SLC5A4: variants seen among roughly 807,000 people sequenced by gnomAD.
SLC5A4 encodes the protein probable glucose sensor protein SLC5A4.
A neutral mutation model predicts 70.3 loss-of-function variants in SLC5A4; 55 were observed. That is an observed-to-expected ratio of 0.78 (90% confidence interval 0.63 to 0.98). The LOEUF (loss-of-function observed/expected upper bound fraction) is 0.98, where lower values mean the gene tolerates loss of function less well. SLC5A4 is among the 50% of genes least tolerant of loss of function. The pLI is 0.00. For missense variants in SLC5A4, 735 were observed against 839.2 expected, an observed-to-expected ratio of 0.88 and a Z score of 1.53; for synonymous variants, 268 against 305.7, an observed-to-expected ratio of 0.88 and a Z score of 1.29.
the SLC5A4 span, among the ~76,000 whole-genome samples, chr22:32,316,108 GAAAAA>G: frequency 3.8e-5 from 5 of 132,018 alleles, no homozygotes; most frequent in Non-Finnish European, 6.3e-5. Context: ...GACTCTGTCT[GAAAAA>G]AAAAAAAAAA....
chr22:32,236,651 C>T (rs1199975213), intron 7 of SLC5A4, among the ~76,000 whole-genome samples: 3 of 151,934 alleles, frequency 2.0e-5, no homozygotes, highest in African/African-American at 7.3e-5. Flanking sequence ...CTGATTTTGT[C>T]TGTCCTTAAC....
chr22:32,327,893 C>T, the SLC5A4 span, among the ~76,000 whole-genome samples: 5 of 152,174 alleles, frequency 3.3e-5, no homozygotes, highest in African/African-American at 7.2e-5. Flanking sequence ...TGGGGCACCT[C>T]GGGCATGGCA....
the SLC5A4 span, among the ~76,000 whole-genome samples, chr22:32,292,240 A>AG: frequency 9.9e-6 from 1 of 101,250 alleles, no homozygotes; most frequent in African/African-American, 4.0e-5. Context: ...TATTATATAT[A>AG]TAATATATAC....
the SLC5A4 span, among the ~76,000 whole-genome samples, chr22:32,354,569 G>A: frequency 1.3e-5 from 2 of 151,882 alleles, no homozygotes; most frequent in African/African-American, 2.4e-5. Flanking sequence ...CGCCGGCCAC[G>A]GCCACTGCAT....
intron 12 of SLC5A4, among the ~76,000 whole-genome samples, chr22:32,224,827 TTA>T (rs1925298257): frequency 6.6e-6 from 1 of 152,210 alleles, no homozygotes; most frequent in Admixed American, 6.5e-5. Context: ...GAAGTATCAA[TTA>T]TGTTACACAA....
At chr22:32,298,230 ATCTG>A in the SLC5A4 span, among the ~76,000 whole-genome samples, 1 of 137,444 alleles carries the variant, frequency 7.3e-6, no homozygotes, top group Non-Finnish European at 1.6e-5. Context: ...TGTCTCGTTG[ATCTG>A]TCTAATGTTG....
the SLC5A4 span, among the ~76,000 whole-genome samples, chr22:32,305,258 C>CAGTA: frequency 6.6e-6 from 1 of 151,860 alleles, no homozygotes; most frequent in Non-Finnish European, 1.5e-5. Context: ...ATTTGGAGCA[C>CAGTA]AGTAAGCAAG....
At chr22:32,272,476 G>C in the SLC5A4 span, 2 of 751,048 alleles carry the variant, frequency 2.7e-6, no homozygotes, top group Non-Finnish European at 4.8e-6. Context: ...CCTGGCAGCC[G>C]ACCTCATGAA....
the SLC5A4 span, among the ~76,000 whole-genome samples, chr22:32,303,837 C>T: frequency 3.3e-5 from 5 of 152,144 alleles, no homozygotes; most frequent in East Asian, 1.9e-4. Context: ...AATGCTGAGT[C>T]GGATGGTAAA....
chr22:32,306,180 T>C, the SLC5A4 span, among the ~76,000 whole-genome samples: 5 of 152,176 alleles, frequency 3.3e-5, no homozygotes, highest in African/African-American at 9.7e-5. Flanking sequence ...AATTACTGTA[T>C]ATAGGCCGGG....
chr22:32,287,783 A>G, the SLC5A4 span, among the ~76,000 whole-genome samples: 2 of 148,670 alleles, frequency 1.3e-5, no homozygotes, highest in Non-Finnish European at 3.0e-5. Flanking sequence ...CACTGTGCAG[A>G]GCCTAAGAAT....
At chr22:32,328,305 T>C in the SLC5A4 span, among the ~76,000 whole-genome samples, 5 of 152,010 alleles carry the variant, frequency 3.3e-5, no homozygotes, top group Admixed American at 3.3e-4. Context: ...ACACCCTCCT[T>C]TGGTACCCAA....
intron 14 of SLC5A4, 34 bp from the exon 15 acceptor site, chr22:32,218,759 T>G (rs1367190815): frequency 2.0e-6 from 3 of 1,521,904 alleles, no homozygotes; most frequent in Non-Finnish European, 2.7e-6. Flanking sequence ...TTGCAGAAGA[T>G]CTAGATCACA....
At chr22:32,293,830 C>G in the SLC5A4 span, among the ~76,000 whole-genome samples, 1 of 151,964 alleles carries the variant, frequency 6.6e-6, no homozygotes, top group Admixed American at 6.6e-5. Flanking sequence ...AAATTTTAAT[C>G]TTTTCTAAGA....
the SLC5A4 span, among the ~76,000 whole-genome samples, chr22:32,282,185 T>A: frequency 0.35 from 52,846 of 152,004 alleles, 9,352 homozygotes; most frequent in East Asian, 0.43. Flanking sequence ...AAGCTCTTTG[T>A]AGGAGCGAAA....
At chr22:32,242,589 G>A (rs1435606025) in intron 5 of SLC5A4, among the ~76,000 whole-genome samples, 4 of 152,092 alleles carry the variant, frequency 2.6e-5, no homozygotes, top group Non-Finnish European at 5.9e-5. Flanking sequence ...CGTGCCTGTA[G>A]TCCCAGCTAC....
At chr22:32,274,574 T>TG in the SLC5A4 span, among the ~76,000 whole-genome samples, 1 of 152,138 alleles carries the variant, frequency 6.6e-6, no homozygotes, top group South Asian at 2.1e-4. Flanking sequence ...ATATTATTTG[T>TG]GATAATAAAA....
the SLC5A4 span, among the ~76,000 whole-genome samples, chr22:32,330,609 TTG>T: frequency 9.2e-6 from 1 of 108,478 alleles, no homozygotes; most frequent in Non-Finnish European, 1.8e-5. Context: ...TAGGAAACTG[TTG>T]TGTCAGGAAG....
rs1281563593 is a variant in SLC5A4, at chr22:32,235,111, T to TA, written c.665-19dup. 1 of 1,552,010 alleles carries TA rather than the reference T, an allele frequency of 6.4e-7. No individual in the cohort carries two copies. The highest frequency in any genetic ancestry group is 8.9e-7 in the Non-Finnish European group (1 of 1,126,042). On this transcript the variant is annotated intron_variant, in intron 7 of 14. Coordinates refer to ENST00000266086, the MANE Select transcript of SLC5A4 (RefSeq NM_014227.3). ...GTTAAATGCTAAAAAGGCATCAGAG[T>TA]AAAATGAGATGTCTTACTGAAATCT...
Sources: gnomAD v4.1 joint callset for allele counts (sites outside exome capture counted in the v4.1 genomes callset) on GRCh38, gnomAD v4.1.1 for gene constraint, MANE v1.5 for transcripts, NCBI Gene and HGNC (gene_info 2026-07-23, HGNC 2026-07-21) for gene names.